The following RABGAP1L variants were observed in gnomAD, a reference collection of about 807,000 sequenced individuals.
RABGAP1L encodes RAB GTPase activating protein 1 like, also known as rab GTPase-activating protein 1-like.
RABGAP1L carries 63 observed loss-of-function variants against 137.7 expected under a neutral mutation model. The ratio of observed to expected loss-of-function variants is 0.46; its 90% CI spans 0.37 to 0.56. RABGAP1L has a LOEUF of 0.56. Among genes scored for constraint, RABGAP1L ranks in the 20% least tolerant of loss-of-function variants. The pLI is 0.00. For synonymous variants in RABGAP1L, 431 were observed against 433.7 expected, an observed-to-expected ratio of 0.99 and a Z score of 0.08; for missense variants, 1,095 against 1,244.0, an observed-to-expected ratio of 0.88 and a Z score of 1.80.
At chr1:174,461,281 A>G (rs147759569) in intron 13 of RABGAP1L, among the ~76,000 whole-genome samples, 157 of 152,286 alleles carry the variant, frequency 1.0e-3, no homozygotes, top group African/African-American at 3.4e-3. Flanking sequence ...GTGAACATCA[A>G]GATTTCAGTA....
At chr1:174,920,844 C>T (rs1661673661) in intron 19 of RABGAP1L, among the ~76,000 whole-genome samples, 1 of 152,144 alleles carries the variant, frequency 6.6e-6, no homozygotes, top group African/African-American at 2.4e-5. Flanking sequence ...TGCCAACAAC[C>T]TTTATCTTGG....
chr1:174,758,624 T>C (rs190761268), intron 18 of RABGAP1L, among the ~76,000 whole-genome samples: 49 of 152,308 alleles, frequency 3.2e-4, no homozygotes, highest in African/African-American at 1.1e-3. Context: ...ATTATTTCAT[T>C]CTTTTTTATG....
chr1:174,942,340 C>G (rs1666031336), intron 19 of RABGAP1L, among the ~76,000 whole-genome samples: 1 of 152,138 alleles, frequency 6.6e-6, no homozygotes, highest in Non-Finnish European at 1.5e-5. Flanking sequence ...TCTATATTTC[C>G]TAGCCAATTT....
At chr1:174,369,410 C>T (rs1276255910) in intron 11 of RABGAP1L, among the ~76,000 whole-genome samples, 1 of 152,166 alleles carries the variant, frequency 6.6e-6, no homozygotes, top group African/African-American at 2.4e-5. Flanking sequence ...AGGCTGGTCT[C>T]AAACCCCTGA....
chr1:174,369,280 C>G (rs1684899915), intron 11 of RABGAP1L, among the ~76,000 whole-genome samples: 1 of 152,128 alleles, frequency 6.6e-6, no homozygotes. Context: ...ACTGTGGCCT[C>G]CCAGGCTCAA....
chr1:174,631,839 CTT>C (rs1047405754), intron 13 of RABGAP1L, among the ~76,000 whole-genome samples: 4 of 151,108 alleles, frequency 2.6e-5, no homozygotes, highest in African/African-American at 7.3e-5. Flanking sequence ...GGTCCTGACT[CTT>C]TATCCAATTT....
At chr1:174,682,801 A>G (rs1029582696) in intron 14 of RABGAP1L, among the ~76,000 whole-genome samples, 3 of 152,240 alleles carry the variant, frequency 2.0e-5, no homozygotes, top group Non-Finnish European at 2.9e-5. Context: ...TTTCTTACGA[A>G]TTGGCCTCTT....
intron 14 of RABGAP1L, among the ~76,000 whole-genome samples, chr1:174,650,776 A>G (rs1675412647): frequency 6.7e-6 from 1 of 148,646 alleles, no homozygotes; most frequent in East Asian, 1.9e-4. Flanking sequence ...TGATCCTTTC[A>G]AAAAACCAGC....
At chr1:174,881,051 C>T (rs552356834) in intron 19 of RABGAP1L, among the ~76,000 whole-genome samples, 10 of 152,176 alleles carry the variant, frequency 6.6e-5, no homozygotes, top group South Asian at 6.2e-4. Flanking sequence ...ATCCTATGCT[C>T]AATAAGTATA....
intron 19 of RABGAP1L, 57 bp downstream of exon 19, chr1:174,812,017 C>T (rs1689920976): frequency 3.5e-6 from 5 of 1,447,564 alleles, no homozygotes; most frequent in Non-Finnish European, 2.8e-6. Flanking sequence ...AATAATATGA[C>T]AAATTATGTA....
intron 18 of RABGAP1L, among the ~76,000 whole-genome samples, chr1:174,758,179 G>A (rs1283775085): frequency 6.6e-6 from 1 of 151,834 alleles, no homozygotes; most frequent in African/African-American, 2.4e-5. Context: ...CATACACAAC[G>A]CTTCCTTTTT....
intron 18 of RABGAP1L, among the ~76,000 whole-genome samples, chr1:174,754,161 G>A (rs891256985): frequency 2.0e-5 from 3 of 152,240 alleles, no homozygotes; most frequent in East Asian, 1.9e-4. Flanking sequence ...CAATACATGG[G>A]CACTCTTGTA....
chr1:174,581,154 G>A (rs1245715821), intron 13 of RABGAP1L, among the ~76,000 whole-genome samples: 1 of 152,144 alleles, frequency 6.6e-6, no homozygotes, highest in African/African-American at 2.4e-5. Flanking sequence ...ATATGACCCA[G>A]CAATTCTATT....
chr1:174,634,986 A>C (rs1673832053), intron 13 of RABGAP1L, among the ~76,000 whole-genome samples: 1 of 150,774 alleles, frequency 6.6e-6, no homozygotes, highest in East Asian at 2.0e-4. Context: ...ATACATATGT[A>C]TCTAACCTGC....
chr1:174,459,955 T>C (rs1386088337), intron 13 of RABGAP1L, among the ~76,000 whole-genome samples: 3 of 152,104 alleles, frequency 2.0e-5, no homozygotes, highest in African/African-American at 7.2e-5. Flanking sequence ...TAGTTTGATT[T>C]TGAGAGAAAG....
At chr1:174,182,251 T>C (rs1173672288) in intron 1 of RABGAP1L, among the ~76,000 whole-genome samples, 1 of 152,128 alleles carries the variant, frequency 6.6e-6, no homozygotes, top group African/African-American at 2.4e-5. Flanking sequence ...AAAAATGAAA[T>C]ATGCATTAAG....
chr1:174,560,247 A>G (rs1277838273), intron 13 of RABGAP1L, among the ~76,000 whole-genome samples: 1 of 151,884 alleles, frequency 6.6e-6, no homozygotes, highest in African/African-American at 2.4e-5. Flanking sequence ...ACGTTTCCTC[A>G]TCCTGCAGAC....
At chr1:174,679,192 A>T (rs1164407247) in intron 14 of RABGAP1L, among the ~76,000 whole-genome samples, 1 of 152,056 alleles carries the variant, frequency 6.6e-6, no homozygotes, top group Non-Finnish European at 1.5e-5. Context: ...CATTTTAGTG[A>T]GCTCTCTTTA....
At chr1:174,321,507 T>C (rs1427070730) in intron 11 of RABGAP1L, among the ~76,000 whole-genome samples, 4 of 152,284 alleles carry the variant, frequency 2.6e-5, no homozygotes, top group Non-Finnish European at 4.4e-5. Context: ...TATCTCTCTT[T>C]TGTACTCTTT....
Sources: gnomAD v4.1 joint callset for allele counts (sites outside exome capture counted in the v4.1 genomes callset) on GRCh38, gnomAD v4.1.1 for gene constraint, MANE v1.5 for transcripts, NCBI Gene and HGNC (gene_info 2026-07-23, HGNC 2026-07-21) for gene names.